The following NME7 variants were observed in gnomAD, a reference collection of about 807,000 sequenced individuals.
The protein encoded by NME7 is nucleoside diphosphate kinase 7.
Under a neutral mutation model 49.1 loss-of-function variants are expected in NME7, and 41 were observed. The ratio of observed to expected loss-of-function variants is 0.83; its 90% confidence interval spans 0.65 to 1.08. NME7 has a LOEUF of 1.08. Ranked by LOEUF, NME7 falls within the 50% of genes least tolerant of loss-of-function variation. The pLI, the probability that NME7 is intolerant of heterozygous loss-of-function variation, is 0.00. For missense variants in NME7, 423 were observed against 463.4 expected, an observed-to-expected ratio of 0.91 and a Z score of 0.80; for synonymous variants, 139 against 150.6, an observed-to-expected ratio of 0.92 and a Z score of 0.56.
Position 169,169,447 on chromosome 1 carries a change from C to T in NME7, c.1098G>A (p.Glu366=), listed in dbSNP as rs768560942. 4 of 1,609,432 alleles carry T rather than the reference C, an allele frequency of 2.5e-6. No individual in the cohort carries two copies. Among genetic ancestry groups the T allele is most frequent in the Non-Finnish European group, 3.4e-6 (4 of 1,177,162 alleles). ...AGGATGTTTACCTTCTTTATCTTAC[C>T]TCTAATAGGCCATCCTCTGGCAGAT... The part of the protein sequence containing the change: ...CTDLPEDGLL[E]VQYFFKILDN The change falls in exon 11 of 12, where the codon GAG becomes GAA. Residue 366 remains glutamate (E), a splice_region_variant and synonymous_variant. Coordinates refer to ENST00000367811, the MANE Select transcript of NME7 (RefSeq NM_013330.5).
chr1:169,136,809 C>T (rs545878276), intron 11 of NME7, among the ~76,000 whole-genome samples: 75 of 152,284 alleles, frequency 4.9e-4, no homozygotes, highest in African/African-American at 1.8e-3. Flanking sequence ...AATCTCATTT[C>T]CTTCCCAATA....
intron 3 of NME7, among the ~76,000 whole-genome samples, chr1:169,319,516 C>G (rs1449902084): frequency 1.3e-5 from 2 of 152,180 alleles, no homozygotes; most frequent in African/African-American, 4.8e-5. Flanking sequence ...TAAGCCCCTT[C>G]CAAGCACAGG....
chr1:169,201,661 G>C (rs1232396446), intron 10 of NME7, among the ~76,000 whole-genome samples: 26 of 152,106 alleles, frequency 1.7e-4, no homozygotes, highest in Non-Finnish European at 1.5e-5. Context: ...ACTGTGGCTG[G>C]TAATGAATTT....
chr1:169,205,609 C>T (rs376315864), intron 10 of NME7, among the ~76,000 whole-genome samples: 14 of 152,094 alleles, frequency 9.2e-5, no homozygotes, highest in African/African-American at 1.9e-4. Context: ...GAATCTCAGG[C>T]GGCCTGGCTC....
At chr1:169,321,237 G>A (rs2101934529) in intron 3 of NME7, among the ~76,000 whole-genome samples, 1 of 152,290 alleles carries the variant, frequency 6.6e-6, no homozygotes, top group South Asian at 2.1e-4. Flanking sequence ...GTGCATGGCT[G>A]TAGTTCCAGC....
At chr1:169,317,936 C>G (rs988443442) in intron 3 of NME7, among the ~76,000 whole-genome samples, 1 of 152,138 alleles carries the variant, frequency 6.6e-6, no homozygotes, top group African/African-American at 2.4e-5. Context: ...TCTTTTTTCT[C>G]AGACCTGCAG....
intron 10 of NME7, among the ~76,000 whole-genome samples, chr1:169,209,431 T>C (rs1326889107): frequency 6.6e-6 from 1 of 152,056 alleles, no homozygotes; most frequent in Non-Finnish European, 1.5e-5. Flanking sequence ...AAAACAAACA[T>C]TTCTATCAAG....
intron 7 of NME7, among the ~76,000 whole-genome samples, chr1:169,280,115 C>T (rs534669802): frequency 3.4e-4 from 52 of 152,196 alleles, no homozygotes; most frequent in Non-Finnish European, 6.8e-4. Flanking sequence ...CACAACCTCT[C>T]CAGCATCTGT....
intron 11 of NME7, among the ~76,000 whole-genome samples, chr1:169,166,703 C>A (rs1479309006): frequency 2.0e-5 from 3 of 152,132 alleles, no homozygotes; most frequent in African/African-American, 4.8e-5. Flanking sequence ...GTTGGCCAGG[C>A]GTGGTGGCTC....
chr1:169,280,138 T>TTTTAATA (rs1649944765), intron 7 of NME7, among the ~76,000 whole-genome samples: 2 of 152,314 alleles, frequency 1.3e-5, no homozygotes, highest in South Asian at 2.1e-4. Flanking sequence ...TGTCCTGACT[T>TTTTAATA]TTTAATAATC....
chr1:169,292,497 C>T (rs1650544512), intron 6 of NME7, among the ~76,000 whole-genome samples: 1 of 151,952 alleles, frequency 6.6e-6, no homozygotes, highest in Non-Finnish European at 1.5e-5. Context: ...TAAAAATTAC[C>T]TGGGCAAAGG....
chr1:169,343,616 C>T (rs1314588773), intron 1 of NME7, among the ~76,000 whole-genome samples: 3 of 151,948 alleles, frequency 2.0e-5, no homozygotes, highest in Non-Finnish European at 4.4e-5. Context: ...CTCAGCTTCC[C>T]GAGTAGCTGG....
intron 11 of NME7, among the ~76,000 whole-genome samples, chr1:169,168,533 G>A (rs1225784213): frequency 1.3e-5 from 2 of 152,114 alleles, no homozygotes; most frequent in Non-Finnish European, 2.9e-5. Context: ...CTGGCTTCAA[G>A]CAATCCTCCC....
chr1:169,219,485 A>T (rs1661075117), intron 10 of NME7, among the ~76,000 whole-genome samples: 1 of 152,176 alleles, frequency 6.6e-6, no homozygotes, highest in South Asian at 2.1e-4. Flanking sequence ...GGGGTACTGG[A>T]ACCAAGCCCC....
chr1:169,361,080 T>C (rs1653634662), intron 1 of NME7, among the ~76,000 whole-genome samples: 1 of 152,174 alleles, frequency 6.6e-6, no homozygotes, highest in African/African-American at 2.4e-5. Flanking sequence ...TGCTATCTTA[T>C]TAATCAATGT....
At position 169,367,725 on chromosome 1, in the gene NME7, A is replaced by C. The variant is rs1461291533; in HGVS notation, c.-15T>G. 1.9e-6 allele frequency: 3 copies of C among 1,614,048 alleles called. No homozygotes were observed. The highest frequency in any genetic ancestry group is 1.7e-5 in the Admixed American group (1 of 60,010). ...GCACTCACCATTGTCTCAGGATCTCAGCACTAGAAAATAGGTATCGTTGAG... is the reference window on the plus strand; with the variant it reads ...GCACTCACCATTGTCTCAGGATCTCCGCACTAGAAAATAGGTATCGTTGAG... On this transcript the variant is annotated 5_prime_UTR_variant, in exon 1 of 12. Coordinates refer to ENST00000367811, the MANE Select transcript of NME7 (RefSeq NM_013330.5).
At chr1:169,213,369 T>TA (rs35119166) in intron 10 of NME7, among the ~76,000 whole-genome samples, 27 of 149,550 alleles carry the variant, frequency 1.8e-4, no homozygotes, top group Admixed American at 1.2e-3. Context: ...TGCACAGGAG[T>TA]AAAAAAAAAA....
chr1:169,223,600 T>C (rs1056828883), intron 10 of NME7, among the ~76,000 whole-genome samples: 1 of 152,174 alleles, frequency 6.6e-6, no homozygotes, highest in African/African-American at 2.4e-5. Flanking sequence ...ACCATTACTT[T>C]GGCATAAAAA....
intron 1 of NME7, among the ~76,000 whole-genome samples, chr1:169,361,532 CA>C (rs1421672358): frequency 6.6e-6 from 1 of 152,182 alleles, no homozygotes; most frequent in African/African-American, 2.4e-5. Context: ...ATAATCCCAG[CA>C]GTTTGGAAGG....
Sources: gnomAD v4.1 joint callset for allele counts (sites outside exome capture counted in the v4.1 genomes callset) on GRCh38, gnomAD v4.1.1 for gene constraint, MANE v1.5 for transcripts, NCBI Gene and HGNC (gene_info 2026-07-23, HGNC 2026-07-21) for gene names.